Variants in CLCA1 observed in about 807,000 individuals in gnomAD.
CLCA1 encodes chloride channel accessory 1, also known as calcium-activated chloride channel regulator 1.
In CLCA1, 59 loss-of-function variants were observed where a neutral mutation model predicts 85.6. The observed-to-expected ratio is 0.69, with a 90% CI of 0.56 to 0.86. The LOEUF (loss-of-function observed/expected upper bound fraction) is 0.86. Among genes scored for constraint, CLCA1 ranks in the 40% least tolerant of loss-of-function variants. The pLI is 0.00. For synonymous variants in CLCA1, 396 were observed against 398.3 expected, an observed-to-expected ratio of 0.99 and a Z score of 0.07; for missense variants, 1,022 against 1,101.4, an observed-to-expected ratio of 0.93 and a Z score of 1.02.
chr1:86,479,860 G>A (rs772141075), intron 4 of CLCA1, among the ~76,000 whole-genome samples: 3 of 152,220 alleles, frequency 2.0e-5, no homozygotes, highest in East Asian at 3.9e-4. Context: ...ACTCCAGCCT[G>A]GGCAACAGAG....
At position 86,498,608 on chromosome 1, in the gene CLCA1, A is replaced by G. The variant is rs2101750457; in HGVS notation, c.2150A>G (p.Asn717Ser). 6.2e-7 allele frequency: 1 copy of G among 1,613,964 alleles called. No homozygotes were observed. The highest frequency in any genetic ancestry group is 8.5e-7 in the Non-Finnish European group (1 of 1,179,908). Residue 717 changes from asparagine to serine, a missense_variant, in exon 13 of 14, where the codon AAT becomes AGT. Asn to Ser is a conservative substitution (Grantham distance 46). Coordinates refer to ENST00000394711, the MANE Select transcript of CLCA1 (RefSeq NM_001285.4). ...TGGAATCCACCAAGACCTGAAATTAATAAGGATGATGTTCAACACAAGCAA... is the reference window on the plus strand; with the variant it reads ...TGGAATCCACCAAGACCTGAAATTAGTAAGGATGATGTTCAACACAAGCAA... ...IQWNPPRPEI[N>S]KDDVQHKQVC...
chr1:86,479,081 G>A (rs916870378), intron 4 of CLCA1, among the ~76,000 whole-genome samples: 1 of 152,202 alleles, frequency 6.6e-6, no homozygotes, highest in African/African-American at 2.4e-5. Context: ...AGATGGAAAG[G>A]AAGAGAGAAA....
chr1:86,479,752 G>A (rs1647765616), intron 4 of CLCA1, among the ~76,000 whole-genome samples: 1 of 152,090 alleles, frequency 6.6e-6, no homozygotes, highest in Non-Finnish European at 1.5e-5. Flanking sequence ...AGGCGTGGTG[G>A]CGGGTGCCTG....
At position 86,476,668 on chromosome 1, in the gene CLCA1, T is replaced by G; in HGVS notation, c.557+115T>G. On this transcript the variant is annotated intron_variant, in intron 4 of 13. Coordinates refer to ENST00000394711, the MANE Select transcript of CLCA1 (RefSeq NM_001285.4). ...GGCTTATTTTCTAATTCAAATTCAT[T>G]CTTAGTGCCTTCTTTTTCAGATTTC... The G allele has an allele frequency of 7.7e-6, 4 of 517,772 alleles. No homozygotes were observed. In the South Asian group the frequency reaches 1.6e-4, roughly 20 times the overall value. The allele number at this position is 517,772 out of a possible 1,614,324, so 32.1% of individuals were successfully genotyped here.
At position 86,487,718 on chromosome 1, in the gene CLCA1, G is replaced by A. The variant is rs5744373; in HGVS notation, c.1182+965G>A. On this transcript the variant is annotated intron_variant, in intron 7 of 13. Transcript: ENST00000394711. ...CACCCTGGCTCTCCCCGTTGGAGCA[G>A]AGCCCTGAGCACCACCCTATCCTCC... 4.3e-3 allele frequency among the ~76,000 whole-genome samples: 648 copies of A among 152,254 alleles called. 3 individuals are homozygous for A. Among genetic ancestry groups the A allele is most frequent in the African/African-American group, 0.015 (609 of 41,528 alleles).
Position 86,499,853 on chromosome 1 carries a change from T to C in CLCA1, c.2553T>C (p.Asp851=). The C allele has an allele frequency of 1.2e-6, 2 of 1,613,626 alleles. No homozygotes were observed. The highest frequency in any genetic ancestry group is 1.1e-5 in the South Asian group (1 of 91,080). The change falls in exon 14 of 14, where the codon GAT becomes GAC. Residue 851 remains aspartate (D), a synonymous_variant. Transcript: ENST00000394711. The part of the protein sequence containing the change: ...FIAIQAVDKV[D]LKSEISNIAR... ...CTATTCAGGCTGTTGATAAGGTCGATCTGAAATCAGAAATATCCAACATTG... is the reference window on the plus strand; with the variant it reads ...CTATTCAGGCTGTTGATAAGGTCGACCTGAAATCAGAAATATCCAACATTG...
intron 1 of CLCA1, among the ~76,000 whole-genome samples, chr1:86,469,744 C>T (rs1215659146): frequency 2.0e-5 from 3 of 152,162 alleles, no homozygotes; most frequent in Non-Finnish European, 2.9e-5. Flanking sequence ...TGAAGAAGGT[C>T]TTGTACAACA....
rs546573791 is a variant in CLCA1, at chr1:86,494,867, A to T, written c.1942+419A>T. Among the ~76,000 whole-genome samples the T allele has an allele frequency of 2.8e-4, 43 of 152,314 alleles. 1 individual carries two copies. In the South Asian group the frequency reaches 6.4e-3, roughly 23 times the overall value. On this transcript the variant is annotated intron_variant, in intron 11 of 13. Transcript: ENST00000394711. ...TAACCTTTGTTTTTATAATATCTTC[A>T]CTGAGGCTTTCACATTTAGAAAGCA...
At chr1:86,478,001 G>A (rs960174536) in intron 4 of CLCA1, among the ~76,000 whole-genome samples, 2 of 152,110 alleles carry the variant, frequency 1.3e-5, no homozygotes, top group Non-Finnish European at 2.9e-5. Context: ...TCAGAACACA[G>A]ATTTGGCTTC....
At position 86,500,130 on chromosome 1, in the gene CLCA1, C is replaced by A. The variant is rs539645603; in HGVS notation, c.*85C>A. 8.9e-5 allele frequency: 72 copies of A among 805,104 alleles called. No homozygotes were observed. Among genetic ancestry groups the A allele is most frequent in the Non-Finnish European group, 1.4e-4 (70 of 506,140 alleles). The allele number at this position is 805,104 out of a possible 1,614,324, so 49.9% of individuals were successfully genotyped here. On this transcript the variant is annotated 3_prime_UTR_variant, in exon 14 of 14. Transcript: ENST00000394711. Reference sequence around the variant, plus strand: ...TTTTCTAAAATGTATTTTAGACTTCCTGTAGGGGGCGATATACTAAATGTA... The same window carrying A: ...TTTTCTAAAATGTATTTTAGACTTCATGTAGGGGGCGATATACTAAATGTA...
intron 4 of CLCA1, 67 bp from the exon 5 acceptor site, chr1:86,482,138 T>C: frequency 3.3e-6 from 4 of 1,219,194 alleles, no homozygotes; most frequent in Non-Finnish European, 4.7e-6. Flanking sequence ...TGTCAGAAAC[T>C]GAGCATAGAC....
At chr1:86,498,458 A>T in intron 12 of CLCA1, 114 bp from the exon 13 acceptor site, 5 of 1,009,906 alleles carry the variant, frequency 5.0e-6, no homozygotes, top group East Asian at 2.4e-5. Flanking sequence ...CTGTGTGTGG[A>T]AGGAAAGAAG....
intron 8 of CLCA1, among the ~76,000 whole-genome samples, chr1:86,490,957 T>A (rs185271019): frequency 2.0e-5 from 3 of 149,992 alleles, no homozygotes; most frequent in African/African-American, 7.4e-5. Flanking sequence ...ATGCTTGTAA[T>A]CCCAGCTACT....
rs539715273 is a variant in CLCA1, at chr1:86,498,691, G to C, written c.2233G>C (p.Ala745Pro). ...GSFVASDVPN[A>P]PIPDLFPPGQ... ...ATTTGTGGCTTCTGATGTCCCAAAT[G>C]CTCCCATACCTGATCTCTTCCCACC... The change falls in exon 13 of 14, where the codon GCT (alanine) becomes CCT (proline). Residue 745 changes from alanine to proline, a missense_variant. Physicochemically the swap from Ala to Pro is conservative, Grantham distance 27. Coordinates refer to ENST00000394711, the MANE Select transcript of CLCA1 (RefSeq NM_001285.4). 1.9e-6 allele frequency: 3 copies of C among 1,614,052 alleles called. No individual in the cohort carries two copies. The highest frequency in any genetic ancestry group is 3.3e-5 in the Admixed American group (2 of 60,006).
intron 8 of CLCA1, 91 bp downstream of exon 8, chr1:86,489,261 G>A: frequency 8.0e-7 from 1 of 1,249,676 alleles, no homozygotes. Context: ...AGATGGGATG[G>A]AGAGAGATAG....
At chr1:86,498,438 A>C in intron 12 of CLCA1, 134 bp from the exon 13 acceptor site, 1 of 741,182 alleles carries the variant, frequency 1.3e-6, no homozygotes. Flanking sequence ...CCAAATATTT[A>C]AAATTAATTC....
intron 4 of CLCA1, among the ~76,000 whole-genome samples, chr1:86,479,349 A>G (rs1647757453): frequency 6.6e-6 from 1 of 152,200 alleles, no homozygotes; most frequent in Admixed American, 6.5e-5. Context: ...AATCCTTCTC[A>G]AGGGGTTAAA....
At chr1:86,492,993 G>T (rs760712230) in intron 9 of CLCA1, among the ~76,000 whole-genome samples, 3 of 152,190 alleles carry the variant, frequency 2.0e-5, no homozygotes, top group Admixed American at 6.5e-5. Flanking sequence ...ATGGACAGCA[G>T]AGAAACCTTC....
At chr1:86,490,298 G>A (rs574577668) in intron 8 of CLCA1, among the ~76,000 whole-genome samples, 1 of 152,310 alleles carries the variant, frequency 6.6e-6, no homozygotes, top group South Asian at 2.1e-4. Flanking sequence ...TGGGTAAGGG[G>A]ATGTGCGTGG....
Sources: gnomAD v4.1 joint callset for allele counts (sites outside exome capture counted in the v4.1 genomes callset) on GRCh38, gnomAD v4.1.1 for gene constraint, MANE v1.5 for transcripts, NCBI Gene and HGNC (gene_info 2026-07-23, HGNC 2026-07-21) for gene names.